The following RCAN1 variants were observed in gnomAD, a reference collection of about 807,000 sequenced individuals.
The protein encoded by RCAN1 is regulator of calcineurin 1.
RCAN1 carries 11 observed loss-of-function variants against 22.9 expected under a neutral mutation model. The ratio of observed to expected loss-of-function variants is 0.48; its 90% CI spans 0.30 to 0.79. The LOEUF is 0.79. Among genes scored for constraint, RCAN1 ranks in the 30% least tolerant of loss-of-function variants. The probability of loss-of-function intolerance (pLI) is 0.06; values close to 1 mark genes in which losing one functional copy is unlikely to be tolerated. For missense variants in RCAN1, 291 were observed against 337.8 expected, an observed-to-expected ratio of 0.86 and a Z score of 1.09; for synonymous variants, 136 against 142.3, an observed-to-expected ratio of 0.96 and a Z score of 0.32.
intron 1 of RCAN1, among the ~76,000 whole-genome samples, chr21:34,604,339 C>G (rs138100017): frequency 6.6e-6 from 1 of 152,062 alleles, no homozygotes; most frequent in Non-Finnish European, 1.5e-5. Context: ...GCCACGTTGG[C>G]CAGGCTGGTC....
At chr21:34,577,138 T>C (rs1352832605) in intron 1 of RCAN1, among the ~76,000 whole-genome samples, 1 of 152,228 alleles carries the variant, frequency 6.6e-6, no homozygotes, top group Non-Finnish European at 1.5e-5. Context: ...ACCACTGCAC[T>C]AATGAGCTGA....
chr21:34,614,917 G>A lies in RCAN1; in HGVS notation c.95C>T (p.Pro32Leu). ...GGCCGCCCCCGAGAGGGGCGCGAAGGGCCGCAGCGTCACCCCGGGCCGCGC... is the reference window on the plus strand; with the variant it reads ...GGCCGCCCCCGAGAGGGGCGCGAAGAGCCGCAGCGTCACCCCGGGCCGCGC... ...ARARPGVTLR[P>L]FAPLSGAAEA... Residue 32 changes from proline (P) to leucine (L), a missense_variant, in exon 1 of 4, where the codon CCC becomes CTC. By Grantham distance (98) the Pro-to-Leu change is moderately conservative. Transcript: ENST00000313806. This position sits in a 1 kb window ranked among gnomAD's most constrained non-coding sequence, Gnocchi z 6.0. The A allele has an allele frequency of 7.2e-7, 1 of 1,396,936 alleles. No individual in the cohort carries two copies. Among genetic ancestry groups the A allele is most frequent in the Non-Finnish European group, 9.4e-7 (1 of 1,066,220 alleles). The allele number at this position is 1,396,936 out of a possible 1,614,324, so 86.5% of individuals were successfully genotyped here.
intron 1 of RCAN1, among the ~76,000 whole-genome samples, chr21:34,606,750 T>A (rs1988538853): frequency 6.6e-6 from 1 of 152,096 alleles, no homozygotes; most frequent in Non-Finnish European, 1.5e-5. Flanking sequence ...TGCTCCTCTC[T>A]CCACACACTG....
rs555023724 is a variant in RCAN1, at chr21:34,569,328, T to G, written c.252+45432A>C. 3.3e-5 allele frequency among the ~76,000 whole-genome samples: 5 copies of G among 152,348 alleles called. No homozygotes were observed. The East Asian group carries it at 9.6e-4, about 29-fold the overall frequency. ...GAGAATTTTTTTAGACTATAGCTTA[T>G]TTTTGAAGTTGGAAGAATTGCTATA... is the stretch of plus-strand genomic sequence containing the variant. On this transcript the variant is annotated intron_variant, in intron 1 of 3. Transcript: ENST00000313806.
chr21:34,567,774 C>A (rs1397806766), intron 1 of RCAN1, among the ~76,000 whole-genome samples: 1 of 152,168 alleles, frequency 6.6e-6, no homozygotes, highest in African/African-American at 2.4e-5. Context: ...ACTGGAATTT[C>A]CCACTTGTCG....
rs1256499524 is a variant in RCAN1 at position 34,517,567 on chromosome 21, T to C, written c.*517A>G. ...AAAGGTTAGTCTTGTAAATCAGTAA[T>C]ATACATGCACAAACATGAGAACATG... On this transcript the variant is annotated 3_prime_UTR_variant, in exon 4 of 4. Transcript: ENST00000313806. The C allele has an allele frequency of 6.5e-6, 1 of 152,772 alleles. No homozygotes were observed. Among genetic ancestry groups the C allele is most frequent in the Non-Finnish European group, 1.5e-5 (1 of 68,450 alleles). The allele number at this position is 152,772 out of a possible 1,614,324, so 9.5% of individuals were successfully genotyped here. A position where few individuals can be genotyped will look rare whatever the true frequency, so the allele number is the denominator to read the frequency against.
intron 1 of RCAN1, 61 bp from the exon 2 acceptor site, chr21:34,523,771 G>A: frequency 7.4e-7 from 1 of 1,355,784 alleles, no homozygotes; most frequent in Non-Finnish European, 1.0e-6. Context: ...CCCTTGACTA[G>A]ATGATGTCAT....
intron 1 of RCAN1, among the ~76,000 whole-genome samples, chr21:34,568,945 A>G (rs1379101895): frequency 6.6e-6 from 1 of 152,228 alleles, no homozygotes; most frequent in African/African-American, 2.4e-5. Context: ...TGCTTCTTAC[A>G]TGGCGGCGGC....
intron 1 of RCAN1, among the ~76,000 whole-genome samples, chr21:34,605,924 A>C (rs866730103): frequency 0.18 from 21,602 of 120,562 alleles, 1,708 homozygotes; most frequent in South Asian, 0.29. Flanking sequence ...GGTCTCAGAA[A>C]AAAAAAAAAA....
chr21:34,551,852 T>C (rs1207906621), intron 1 of RCAN1, among the ~76,000 whole-genome samples: 2 of 152,142 alleles, frequency 1.3e-5, no homozygotes, highest in South Asian at 2.1e-4. Flanking sequence ...GGGGAAGACT[T>C]AGATGACCAA....
chr21:34,556,429 A>AAATAATACTAATAATAAT (rs1555861218), intron 1 of RCAN1, among the ~76,000 whole-genome samples: 2 of 145,540 alleles, frequency 1.4e-5, no homozygotes, highest in African/African-American at 5.1e-5. Context: ...TTGTCTCAAA[A>AAATAATACTAATAATAAT]AATAATAATA....
chr21:34,527,512 A>T (rs1199973237), intron 1 of RCAN1, among the ~76,000 whole-genome samples: 1 of 152,230 alleles, frequency 6.6e-6, no homozygotes, highest in Non-Finnish European at 1.5e-5. Flanking sequence ...AGCAAACAGA[A>T]CCTAAAACAA....
At chr21:34,556,128 C>T (rs12626532) in intron 1 of RCAN1, among the ~76,000 whole-genome samples, 5,807 of 125,448 alleles carry the variant, frequency 0.046, 166 homozygotes, top group East Asian at 0.16. Context: ...AAAAAAAGAG[C>T]AGTAAAGACT....
intron 1 of RCAN1, among the ~76,000 whole-genome samples, chr21:34,569,013 GAGACTT>G (rs2123679437): frequency 6.6e-6 from 1 of 152,326 alleles, no homozygotes; most frequent in South Asian, 2.1e-4. Context: ...CAGATCTTGT[GAGACTT>G]ATTCACTACC....
chr21:34,558,747 C>T (rs560295278), intron 1 of RCAN1, among the ~76,000 whole-genome samples: 116 of 152,352 alleles, frequency 7.6e-4, no homozygotes, highest in African/African-American at 2.6e-3. Context: ...TTCTAGCTCT[C>T]GCTTTTCCAG....
intron 1 of RCAN1, among the ~76,000 whole-genome samples, chr21:34,580,718 T>TCCCCCCC (rs1338271499): frequency 6.6e-6 from 1 of 152,184 alleles, no homozygotes; most frequent in Admixed American, 6.5e-5. Context: ...TGTGCATGGC[T>TCCCCCCC]CACCATGATC....
At chr21:34,536,592 A>G (rs1184563642) in intron 1 of RCAN1, among the ~76,000 whole-genome samples, 1 of 152,220 alleles carries the variant, frequency 6.6e-6, no homozygotes, top group Non-Finnish European at 1.5e-5. Flanking sequence ...CTTCCGCTGC[A>G]GCATTCCATA....
In RCAN1 at chr21:34,614,516, G is replaced by T. The variant is rs887686919; in HGVS notation, c.252+244C>A. The T allele has an allele frequency of 8.6e-6, 9 of 1,042,516 alleles. No individual in the cohort carries two copies. Among genetic ancestry groups the T allele is most frequent in the African/African-American group, 3.4e-5 (2 of 58,824 alleles). The allele number at this position is 1,042,516 out of a possible 1,614,324, so 64.6% of individuals were successfully genotyped here. The stretch of plus-strand genomic sequence containing the variant: ...CGCACCAGCCTGGGCGCACACGGGG[G>T]CCGGGGCGAGCCTGTGGGACTCTGC... On this transcript the variant is annotated intron_variant, in intron 1 of 3. Transcript: ENST00000313806. This position sits in a 1 kb window ranked among gnomAD's most constrained non-coding sequence, Gnocchi z 6.0.
At chr21:34,583,413 G>A (rs538100579) in intron 1 of RCAN1, among the ~76,000 whole-genome samples, 193 of 152,210 alleles carry the variant, frequency 1.3e-3, no homozygotes, top group African/African-American at 4.5e-3. Flanking sequence ...CTGGCCTCAG[G>A]TGATCCACCC....
Sources: gnomAD v4.1 joint callset for allele counts (sites outside exome capture counted in the v4.1 genomes callset) on GRCh38, gnomAD v4.1.1 for gene constraint, Gnocchi (gnomAD v3.1) non-coding constraint, MANE v1.5 for transcripts, NCBI Gene and HGNC (gene_info 2026-07-23, HGNC 2026-07-21) for gene names.